The following CRACR2A variants were observed in gnomAD, a reference collection of about 807,000 sequenced individuals.
CRACR2A encodes the protein EF-hand calcium-binding domain-containing protein 4B.
CRACR2A carries 79 observed loss-of-function variants against 90.5 expected under a neutral mutation model. That is an observed-to-expected ratio of 0.87 (90% CI 0.73 to 1.05). CRACR2A has a LOEUF of 1.05. Ranked by LOEUF, CRACR2A falls within the 50% of genes least tolerant of loss-of-function variation. The pLI is 0.00. For synonymous variants in CRACR2A, 338 were observed against 356.7 expected, an observed-to-expected ratio of 0.95 and a Z score of 0.59; for missense variants, 823 against 897.2, an observed-to-expected ratio of 0.92 and a Z score of 1.06.
intron 7 of CRACR2A, among the ~76,000 whole-genome samples, chr12:3,670,460 C>T (rs567158302): frequency 6.6e-5 from 10 of 152,292 alleles, no homozygotes; most frequent in Admixed American, 3.3e-4. Flanking sequence ...TCCAAACTCA[C>T]TTTCTAGATG....
chr12:3,634,477 G>A (rs1944425959), intron 14 of CRACR2A, among the ~76,000 whole-genome samples: 1 of 152,178 alleles, frequency 6.6e-6, no homozygotes, highest in South Asian at 2.1e-4. Flanking sequence ...AAACGGCTGG[G>A]ACAGGAAAGC....
chr12:3,638,731 C>T (rs1944504989), intron 13 of CRACR2A, among the ~76,000 whole-genome samples: 1 of 152,174 alleles, frequency 6.6e-6, no homozygotes, highest in Admixed American at 6.5e-5. Context: ...TACAGATGGA[C>T]ATAATCCCTG....
chr12:3,702,481 T>C (rs1249618075), intron 3 of CRACR2A, among the ~76,000 whole-genome samples: 6 of 151,950 alleles, frequency 3.9e-5, no homozygotes, highest in Non-Finnish European at 8.8e-5. Context: ...CAGTATATGA[T>C]AATCAATTGT....
chr12:3,727,713 C>G (rs561998850), intron 2 of CRACR2A: 1 of 152,264 alleles, frequency 6.6e-6, no homozygotes, highest in African/African-American at 2.4e-5. Flanking sequence ...AGGCATTACT[C>G]TAGGGGACAG....
At chr12:3,695,885 T>C (rs997224161) in intron 4 of CRACR2A, among the ~76,000 whole-genome samples, 1 of 152,234 alleles carries the variant, frequency 6.6e-6, no homozygotes, top group Non-Finnish European at 1.5e-5. Context: ...TGAGAAGTTT[T>C]TGAAACTAAA....
chr12:3,664,160 A>G (rs924857993), intron 7 of CRACR2A, among the ~76,000 whole-genome samples: 2 of 152,232 alleles, frequency 1.3e-5, no homozygotes, highest in African/African-American at 4.8e-5. Flanking sequence ...AAGACAGTTT[A>G]TTAAAAGGTA....
In CRACR2A at chr12:3,656,391, G is replaced by A. The variant is rs1243297267; in HGVS notation, c.778C>T (p.Gln260Ter). The change falls in exon 9 of 20, where the codon CAA becomes TAA. Residue 260 changes from glutamine (Q) to a stop codon, truncating the protein, a stop_gained. Transcript: ENST00000440314. LOFTEE classifies it high-confidence loss of function. ...TGCTCCAGCTCTTGACTGCGGGCTT[G>A]AAACCTCTCTGTGTCCTGCCAAGCC... ...QFLLKDTERFQARSQELEQKL... is the reference protein window; with the variant it reads ...QFLLKDTERF 7 of 1,613,920 alleles carry A rather than the reference G, an allele frequency of 4.3e-6. No homozygotes were observed. The South Asian group carries it at 7.7e-5, about 18-fold the overall frequency.
chr12:3,703,934 G>A (rs963023143), intron 3 of CRACR2A, among the ~76,000 whole-genome samples: 4 of 152,188 alleles, frequency 2.6e-5, no homozygotes, highest in African/African-American at 9.7e-5. Context: ...CCAACTCTTG[G>A]CAAAGATGTG....
chr12:3,641,578 G>C (rs996829262), intron 13 of CRACR2A, among the ~76,000 whole-genome samples, 154 bp downstream of exon 13: 2 of 152,202 alleles, frequency 1.3e-5, no homozygotes, highest in African/African-American at 4.8e-5. Flanking sequence ...TCAGAACAGG[G>C]AGGGGCATGT....
At chr12:3,743,078 A>G (rs955711871) in intron 1 of CRACR2A, among the ~76,000 whole-genome samples, 1 of 152,218 alleles carries the variant, frequency 6.6e-6, no homozygotes, top group African/African-American at 2.4e-5. Flanking sequence ...GAAAATTCAG[A>G]TGTGGTGTGT....
intron 1 of CRACR2A, among the ~76,000 whole-genome samples, chr12:3,736,058 T>C (rs1186015116): frequency 6.6e-6 from 1 of 151,626 alleles, no homozygotes; most frequent in Non-Finnish European, 1.5e-5. Flanking sequence ...GAGAAAGGTA[T>C]GGGGTGAGGC....
intron 17 of CRACR2A, among the ~76,000 whole-genome samples, chr12:3,623,304 C>T (rs963294851): frequency 3.9e-5 from 6 of 152,174 alleles, no homozygotes; most frequent in Non-Finnish European, 8.8e-5. Flanking sequence ...CTCGGAAACA[C>T]TGGTCTATTC....
At chr12:3,620,347 A>G (rs1187063058) in intron 17 of CRACR2A, among the ~76,000 whole-genome samples, 4 of 152,258 alleles carry the variant, frequency 2.6e-5, no homozygotes, top group African/African-American at 9.6e-5. Flanking sequence ...GTTTTACTAA[A>G]TAGAGGGACC....
intron 2 of CRACR2A, among the ~76,000 whole-genome samples, chr12:3,720,386 GGAGGGGGGGAGGGAC>G (rs1946144438): frequency 2.5e-5 from 3 of 118,776 alleles, no homozygotes; most frequent in Non-Finnish European, 3.4e-5. Flanking sequence ...GAAGGAAGGG[GGAGGGGGGGAGGGAC>G]GGAGTGAGAG....
At chr12:3,687,746 T>C (rs1040295126) in intron 4 of CRACR2A, among the ~76,000 whole-genome samples, 1 of 152,242 alleles carries the variant, frequency 6.6e-6, no homozygotes, top group Non-Finnish European at 1.5e-5. Flanking sequence ...GTTCTGTTTC[T>C]AGGTTTTTGA....
chr12:3,747,751 C>T (rs566058392), intron 1 of CRACR2A, among the ~76,000 whole-genome samples: 9 of 152,296 alleles, frequency 5.9e-5, no homozygotes, highest in East Asian at 3.9e-4. Flanking sequence ...GTGCAGGTTC[C>T]GGGAGGAGGG....
chr12:3,720,332 AAAAGAAAG>A (rs370876636), intron 2 of CRACR2A, among the ~76,000 whole-genome samples: 50 of 147,062 alleles, frequency 3.4e-4, no homozygotes, highest in African/African-American at 1.2e-3. Context: ...AGACAGAAAG[AAAAGAAAG>A]AAAGAAAGAA....
chr12:3,690,084 CT>C (rs985953098), intron 4 of CRACR2A, among the ~76,000 whole-genome samples: 4 of 150,180 alleles, frequency 2.7e-5, no homozygotes, highest in Non-Finnish European at 5.9e-5. Flanking sequence ...ATTTTATTAA[CT>C]TTTTTTTTCA....
At chr12:3,649,239 G>GATAAATAAATAAATAAATAAATAA in intron 10 of CRACR2A, among the ~76,000 whole-genome samples, 1 of 149,100 alleles carries the variant, frequency 6.7e-6, no homozygotes, top group East Asian at 2.0e-4. Flanking sequence ...ACAATAATAA[G>GATAAATAAATAAATAAATAAATAA]ATAAATAAAT....
Sources: gnomAD v4.1 joint callset for allele counts (sites outside exome capture counted in the v4.1 genomes callset) on GRCh38, gnomAD v4.1.1 for gene constraint, MANE v1.5 for transcripts, NCBI Gene and HGNC (gene_info 2026-07-23, HGNC 2026-07-21) for gene names.